The following TMPO variants were observed in gnomAD, a reference collection of about 807,000 sequenced individuals.
The protein encoded by TMPO is thymopoietin.
Under a neutral mutation model 45.4 loss-of-function variants are expected in TMPO, and 22 were observed. That is an observed-to-expected ratio of 0.48 (90% CI 0.35 to 0.69). The LOEUF is 0.69. TMPO is among the 30% of genes least tolerant of loss of function. TMPO has a pLI of 0.01. For missense variants in TMPO, 512 were observed against 548.8 expected, an observed-to-expected ratio of 0.93 and a Z score of 0.67; for synonymous variants, 241 against 204.1, an observed-to-expected ratio of 1.18 and a Z score of -1.54.
intron 2 of TMPO, among the ~76,000 whole-genome samples, chr12:98,528,571 C>T (rs1876957390): frequency 6.6e-6 from 1 of 152,026 alleles, no homozygotes; most frequent in Admixed American, 6.6e-5. Context: ...GCCACCGTGC[C>T]TGGCCACTTA....
At chr12:98,533,622 A>C (rs1275758452) in intron 3 of TMPO, 1 of 1,614,182 alleles carries the variant, frequency 6.2e-7, no homozygotes, top group Non-Finnish European at 8.5e-7. Flanking sequence ...CTGGATCCGA[A>C]CTGATGTCTT....
chr12:98,546,890 T>G (rs1306424391), intron 8 of TMPO, among the ~76,000 whole-genome samples: 2 of 152,202 alleles, frequency 1.3e-5, no homozygotes, highest in Non-Finnish European at 1.5e-5. Flanking sequence ...CCCCCCTAAG[T>G]TTCTCTTTTC....
At position 98,544,270 on chromosome 12, in the gene TMPO, GTGGATC is replaced by G. The variant is rs1338565304; in HGVS notation, c.706_711del (p.Gly236_Ser237del). ...GGAATAACTGAGACTGAATGGACAA[GTGGATC>G]TTCAAAAGGCGGACCTCTGCAGGCA... is the stretch of plus-strand genomic sequence containing the variant. On this transcript the variant is annotated inframe_deletion, in exon 5 of 9. Coordinates refer to ENST00000556029, the MANE Select transcript of TMPO (RefSeq NM_001032283.3). The G allele has an allele frequency of 1.9e-6, 3 of 1,613,968 alleles. No individual in the cohort carries two copies. Among genetic ancestry groups the G allele is most frequent in the Non-Finnish European group, 2.5e-6 (3 of 1,179,874 alleles).
Position 98,547,816 on chromosome 12 carries a change from C to T in TMPO, c.1323C>T (p.Pro441=). The part of the protein sequence containing the change: ...YQAMETNQVN[P]FSNFLHVDPR... The stretch of plus-strand genomic sequence containing the variant: ...CTATGGAAACCAACCAAGTAAATCC[C>T]TTCTCTAATTTTCTTCATGTTGACC... The change falls in exon 9 of 9, where the codon CCC becomes CCT. Residue 441 remains proline (P), a synonymous_variant. Coordinates refer to ENST00000556029, the MANE Select transcript of TMPO (RefSeq NM_001032283.3). 6.2e-7 allele frequency: 1 copy of T among 1,613,986 alleles called. No homozygotes were observed. The highest frequency in any genetic ancestry group is 8.5e-7 in the Non-Finnish European group (1 of 1,180,014).
chr12:98,517,256 C>G (rs1242360199), intron 1 of TMPO, among the ~76,000 whole-genome samples: 1 of 152,214 alleles, frequency 6.6e-6, no homozygotes, highest in Non-Finnish European at 1.5e-5. Context: ...TTTGGAATGT[C>G]TGATCCTGGT....
intron 2 of TMPO, among the ~76,000 whole-genome samples, chr12:98,528,971 T>A (rs1401866207): frequency 2.0e-5 from 3 of 150,996 alleles, no homozygotes; most frequent in Non-Finnish European, 4.4e-5. Context: ...TCAAAAAAAA[T>A]AAATAAATAA....
intron 4 of TMPO, among the ~76,000 whole-genome samples, chr12:98,543,748 A>G (rs116772471): frequency 0.012 from 1,781 of 152,342 alleles, 34 homozygotes; most frequent in African/African-American, 0.041. Flanking sequence ...TTATAATTTA[A>G]ACTGATTCTA....
chr12:98,543,707 A>AT (rs1878058562), intron 4 of TMPO, among the ~76,000 whole-genome samples: 1 of 152,214 alleles, frequency 6.6e-6, no homozygotes, highest in African/African-American at 2.4e-5. Context: ...ACACCTGAGA[A>AT]TTTTTTAGTT....
intron 1 of TMPO, among the ~76,000 whole-genome samples, chr12:98,517,542 G>A (rs964335601): frequency 1.3e-5 from 2 of 152,186 alleles, no homozygotes; most frequent in African/African-American, 4.8e-5. Context: ...TAAGGAACCT[G>A]TCTAATGTGT....
chr12:98,528,648 G>A (rs905377690), intron 2 of TMPO, among the ~76,000 whole-genome samples: 9 of 151,620 alleles, frequency 5.9e-5, no homozygotes, highest in African/African-American at 1.9e-4. Context: ...AACATAGCTG[G>A]GCAAATTTGC....
intron 4 of TMPO, among the ~76,000 whole-genome samples, chr12:98,541,772 C>T (rs1415023258): frequency 6.6e-6 from 1 of 151,938 alleles, no homozygotes; most frequent in Non-Finnish European, 1.5e-5. Flanking sequence ...TGGCTTCTGT[C>T]CTTTTCCCTT....
rs527542579 is a variant in TMPO, at chr12:98,542,648, G to T, written c.664-1582G>T. Among the ~76,000 whole-genome samples, 3 of 152,222 alleles carry T rather than the reference G, an allele frequency of 2.0e-5. No homozygotes were observed. The East Asian group carries it at 5.8e-4, about 29-fold the overall frequency. ...AGGCCCAGGTGGGTGGATCACCTGA[G>T]GTCAGGAGACCAGCCTGGCCAACAT... On this transcript the variant is annotated intron_variant, in intron 4 of 8. Transcript: ENST00000556029.
chr12:98,530,960 G>A (rs1002640075), intron 2 of TMPO, among the ~76,000 whole-genome samples: 1 of 152,210 alleles, frequency 6.6e-6, no homozygotes, highest in African/African-American at 2.4e-5. Flanking sequence ...AAAACCACCT[G>A]TTGTAAAAAG....
rs138173425 is a variant in TMPO, at chr12:98,538,649, A to G, written c.663+1077A>G. Among the ~76,000 whole-genome samples the G allele has an allele frequency of 2.6e-3, 402 of 152,016 alleles. 1 individual carries two copies. Among genetic ancestry groups the G allele is most frequent in the African/African-American group, 9.3e-3 (386 of 41,504 alleles). ...ATTACAGGTGTGAGCCACCGCGCCCAGCCTGTTTGTCGTTTTAAAATCAAA... is the reference window on the plus strand; with the variant it reads ...ATTACAGGTGTGAGCCACCGCGCCCGGCCTGTTTGTCGTTTTAAAATCAAA... On this transcript the variant is annotated intron_variant, in intron 4 of 8. Coordinates refer to ENST00000556029, the MANE Select transcript of TMPO (RefSeq NM_001032283.3).
Position 98,546,374 on chromosome 12 carries a change from G to A in TMPO, c.1006G>A (p.Glu336Lys), listed in dbSNP as rs764182739. 3 of 1,612,176 alleles carry A rather than the reference G, an allele frequency of 1.9e-6. No homozygotes were observed. Among genetic ancestry groups the A allele is most frequent in the Admixed American group, 1.7e-5 (1 of 60,002 alleles). ...LTRAEVGEKTEERRVERDILK... is the reference protein window; with the variant it reads ...LTRAEVGEKTKERRVERDILK... The stretch of plus-strand genomic sequence containing the variant: ...TTCTTATTAGGTGGGAGAAAAAACA[G>A]AGGAAAGAAGAGTAGAAAGGGATAT... Residue 336 changes from glutamate (E) to lysine (K), a missense_variant, in exon 8 of 9, where the codon GAG (glutamate) becomes AAG (lysine). Physicochemically the swap from Glu to Lys is moderately conservative, Grantham distance 56 (BLOSUM62 1). Transcript: ENST00000556029.
Position 98,533,988 on chromosome 12 carries a change from A to G in TMPO, c.565+2150A>G, listed in dbSNP as rs200856956. On this transcript the variant is annotated intron_variant, in intron 3 of 8. Transcript: ENST00000556029. ...TCTGTAGAGCATATGAAGCTGCAGC[A>G]TCAGCATTGCAGATTGCAACTCACA... The G allele has an allele frequency of 4.1e-5, 66 of 1,609,454 alleles. No individual in the cohort carries two copies. Among genetic ancestry groups the G allele is most frequent in the East Asian group, 1.8e-4 (8 of 44,782 alleles).
intron 3 of TMPO, among the ~76,000 whole-genome samples, chr12:98,532,460 CAG>C (rs1315063230): frequency 3.3e-5 from 5 of 150,818 alleles, no homozygotes; most frequent in African/African-American, 1.2e-4. Context: ...AATCTGACCT[CAG>C]GGCAACTTTA....
chr12:98,524,462 C>T (rs1381646764), intron 1 of TMPO, among the ~76,000 whole-genome samples: 1 of 152,056 alleles, frequency 6.6e-6, no homozygotes, highest in African/African-American at 2.4e-5. Flanking sequence ...GTCCCAGATA[C>T]TCAGGAGGCT....
chr12:98,528,504 T>TCGATCTC (rs1876951541), intron 2 of TMPO, among the ~76,000 whole-genome samples: 1 of 151,656 alleles, frequency 6.6e-6, no homozygotes, highest in African/African-American at 2.4e-5. Flanking sequence ...GTCTCGATCT[T>TCGATCTC]CTGACCTTGT....
Sources: gnomAD v4.1 joint callset for allele counts (sites outside exome capture counted in the v4.1 genomes callset) on GRCh38, gnomAD v4.1.1 for gene constraint, MANE v1.5 for transcripts, NCBI Gene and HGNC (gene_info 2026-07-23, HGNC 2026-07-21) for gene names.